The following PUDP variants were observed in gnomAD, a reference collection of about 807,000 sequenced individuals.
PUDP encodes pseudouridine 5'-phosphatase.
A neutral mutation model predicts 9.4 loss-of-function variants in PUDP; 8 were observed. The ratio of observed to expected loss-of-function variants is 0.85; its 90% CI spans 0.50 to 1.53. The LOEUF (loss-of-function observed/expected upper bound fraction) is 1.53. Ranked by LOEUF, PUDP falls within the 40% of genes most tolerant of loss-of-function variation. PUDP has a pLI of 0.00. For synonymous variants in PUDP, 99 were observed against 80.7 expected, an observed-to-expected ratio of 1.23 and a Z score of -1.22; for missense variants, 188 against 189.7, an observed-to-expected ratio of 0.99 and a Z score of 0.05.
chrX:6,840,503 T>C (rs1469460522), intron 3 of PUDP, among the ~76,000 whole-genome samples: 1 of 112,400 alleles, frequency 8.9e-6, no homozygotes, highest in Admixed American at 9.4e-5. Context: ...CTGAGAAGGC[T>C]ACATACTATA....
chrX:6,777,867 T>C lies in PUDP; in HGVS notation c.*248-71401A>G, dbSNP rs774918338. 3.2e-4 allele frequency among the ~76,000 whole-genome samples: 36 copies of C among 112,136 alleles called. 1 individual carries two copies. Among genetic ancestry groups the C allele is most frequent in the Non-Finnish European group, 5.1e-4 (27 of 53,264 alleles). ...ACCTACCCGGAAACAGGTAAGGCTA[T>C]CCATTTTCACCAGTTGACTGTAAAA... On this transcript the variant is annotated intron_variant and NMD_transcript_variant, in intron 3 of 3. Transcript: ENST00000655425.
chrX:6,728,306 T>C (rs968890958), intron 3 of PUDP, among the ~76,000 whole-genome samples: 5 of 111,103 alleles, frequency 4.5e-5, no homozygotes, highest in African/African-American at 1.6e-4. Context: ...GAGGATCACT[T>C]GAGGCCAGGT....
chrX:7,061,490 G>C (rs1229863491), intron 3 of PUDP, among the ~76,000 whole-genome samples: 2 of 110,446 alleles, frequency 1.8e-5, no homozygotes, highest in African/African-American at 6.7e-5. Context: ...TCAAGGAAGG[G>C]TCCCACTGAC....
At chrX:6,830,330 G>A (rs748994403) in intron 3 of PUDP, among the ~76,000 whole-genome samples, 92 of 110,704 alleles carry the variant, frequency 8.3e-4, no homozygotes, top group African/African-American at 2.5e-3. Context: ...AAATGATAAA[G>A]GGAAAAAAAA....
intron 3 of PUDP, among the ~76,000 whole-genome samples, chrX:6,776,978 T>C (rs1163847305): frequency 1.8e-5 from 2 of 112,675 alleles, no homozygotes; most frequent in South Asian, 3.6e-4. Context: ...ATTTTTATCT[T>C]TATGCTGTGT....
At chrX:6,818,498 C>T (rs976964044) in intron 3 of PUDP, among the ~76,000 whole-genome samples, 1 of 112,288 alleles carries the variant, frequency 8.9e-6, no homozygotes, top group Non-Finnish European at 1.9e-5. Context: ...CAAATAAACT[C>T]TCTAAATTTC....
At chrX:6,929,598 T>G (rs1928158451) in intron 3 of PUDP, among the ~76,000 whole-genome samples, 1 of 112,130 alleles carries the variant, frequency 8.9e-6, no homozygotes, top group Non-Finnish European at 1.9e-5. Flanking sequence ...GCCAATTCTA[T>G]TGGTAATTCC....
intron 1 of PUDP, among the ~76,000 whole-genome samples, chrX:7,027,611 G>C (rs1272311963): frequency 4.0e-5 from 4 of 99,139 alleles, no homozygotes; most frequent in Admixed American, 3.4e-4. Flanking sequence ...ATATATATGA[G>C]AATATAGAGA....
rs140824009 is a variant in PUDP, at chrX:7,012,232, C to T, written c.205-33889G>A. Among the ~76,000 whole-genome samples the T allele has an allele frequency of 2.7e-3, 307 of 111,965 alleles. 3 individuals are homozygous for T. Among genetic ancestry groups the T allele is most frequent in the African/African-American group, 9.5e-3 (293 of 30,758 alleles). Reference sequence around the variant, plus strand: ...AGATACCCCTGAGCCATTCTGGAGACGTGTTTTGATGCCAGCCCAGTTATG... The same window carrying T: ...AGATACCCCTGAGCCATTCTGGAGATGTGTTTTGATGCCAGCCCAGTTATG... On this transcript the variant is annotated intron_variant and NMD_transcript_variant, in intron 1 of 3. Transcript: ENST00000655425.
At chrX:7,135,473 C>T (rs1301761434) in intron 1 of PUDP, among the ~76,000 whole-genome samples, 1 of 111,849 alleles carries the variant, frequency 8.9e-6, no homozygotes, top group African/African-American at 3.3e-5. Flanking sequence ...ATGAGAGAGA[C>T]GAGGAACTGA....
At chrX:6,844,612 C>A (rs1926716898) in intron 3 of PUDP, among the ~76,000 whole-genome samples, 1 of 112,124 alleles carries the variant, frequency 8.9e-6, no homozygotes, top group African/African-American at 3.2e-5. Flanking sequence ...TTAGGATTCT[C>A]CAGATAAACA....
intron 3 of PUDP, among the ~76,000 whole-genome samples, chrX:6,815,048 C>T (rs1344037865): frequency 9.0e-6 from 1 of 110,661 alleles, no homozygotes; most frequent in East Asian, 2.8e-4. Context: ...GTTTCAGTGA[C>T]AACACGACGG....
At chrX:6,730,976 C>T (rs971235172) in intron 3 of PUDP, among the ~76,000 whole-genome samples, 1 of 112,386 alleles carries the variant, frequency 8.9e-6, no homozygotes, top group Non-Finnish European at 1.9e-5. Context: ...TATCAGGGTA[C>T]CAACTCACTT....
At chrX:6,970,966 G>A (rs746432699) in intron 3 of PUDP, among the ~76,000 whole-genome samples, 5 of 110,903 alleles carry the variant, frequency 4.5e-5, no homozygotes, top group South Asian at 7.8e-4. Flanking sequence ...TAGGAGAATC[G>A]CTTGAACCTG....
chrX:6,859,697 T>C (rs898206051), intron 3 of PUDP, among the ~76,000 whole-genome samples: 4 of 111,301 alleles, frequency 3.6e-5, no homozygotes, highest in Non-Finnish European at 7.5e-5. Flanking sequence ...GCAGGACTCA[T>C]GACTCATGAC....
intron 1 of PUDP, among the ~76,000 whole-genome samples, chrX:7,008,006 C>T (rs1371519534): frequency 1.8e-5 from 2 of 109,941 alleles, no homozygotes; most frequent in Non-Finnish European, 3.8e-5. Context: ...CTCTGTTGCC[C>T]AGGCTGGAGT....
intron 1 of PUDP, among the ~76,000 whole-genome samples, chrX:6,997,261 G>A (rs1421287430): frequency 8.9e-6 from 1 of 111,833 alleles, no homozygotes; most frequent in Non-Finnish European, 1.9e-5. Flanking sequence ...AGAATATCAA[G>A]GTGTCCTATA....
chrX:6,930,052 G>A (rs1262412002), intron 3 of PUDP, among the ~76,000 whole-genome samples: 2 of 111,604 alleles, frequency 1.8e-5, no homozygotes, highest in South Asian at 3.8e-4. Context: ...AGCAGCACAG[G>A]TGCAGGTGGT....
At chrX:7,132,887 A>C (rs1196043880) in intron 1 of PUDP, among the ~76,000 whole-genome samples, 6 of 111,958 alleles carry the variant, frequency 5.4e-5, no homozygotes, top group Non-Finnish European at 1.1e-4. Flanking sequence ...CACTGATCTC[A>C]CTGCAGGTAA....
Sources: allele counts gnomAD v4.1 joint callset (sites outside exome capture counted in the v4.1 genomes callset), GRCh38; gene constraint gnomAD v4.1.1; transcripts MANE v1.5; gene names NCBI Gene and HGNC (gene_info 2026-07-23, HGNC 2026-07-21).